FCHO2: variants seen among roughly 807,000 people sequenced by gnomAD.
The protein encoded by FCHO2 is FCH and mu domain containing endocytic adaptor 2, also known as F-BAR domain only protein 2.
FCHO2 carries 43 observed loss-of-function variants against 114.1 expected under a neutral mutation model. That is an observed-to-expected ratio of 0.38 (90% confidence interval 0.30 to 0.49). The LOEUF is 0.49. Ranked by LOEUF, FCHO2 falls within the 20% of genes least tolerant of loss-of-function variation. FCHO2 has a pLI of 0.97. For missense variants in FCHO2, 807 were observed against 950.4 expected (o/e 0.85, Z 1.98); for synonymous variants, 293 against 315.2 (o/e 0.93, Z 0.75).
At chr5:72,965,312 T>C (rs934720663) in intron 1 of FCHO2, among the ~76,000 whole-genome samples, 7 of 152,212 alleles carry the variant, frequency 4.6e-5, no homozygotes, top group African/African-American at 1.7e-4. Flanking sequence ...ATGTTTACAC[T>C]ATATTATTTA....
chr5:73,017,349 C>T lies in FCHO2; in HGVS notation c.796+41C>T, dbSNP rs769706330. ...CTGCAAGGAAACATTTTAAATTTTC[C>T]CATATAGTAACTAACATATTTGCCT... is the stretch of plus-strand genomic sequence containing the variant. On this transcript the variant is annotated intron_variant, in intron 8 of 25. Transcript: ENST00000430046. The T allele has an allele frequency of 4.6e-6, 6 of 1,309,484 alleles. No homozygotes were observed. In the South Asian group the frequency reaches 5.7e-5, roughly 12 times the overall value. The allele number at this position is 1,309,484 out of a possible 1,614,324, so 81.1% of individuals were successfully genotyped here. A position where few individuals can be genotyped will look rare whatever the true frequency, so the allele number is the denominator to read the frequency against.
chr5:73,063,593 CAG>C (rs1176009505), intron 17 of FCHO2, among the ~76,000 whole-genome samples: 1 of 151,882 alleles, frequency 6.6e-6, no homozygotes, highest in Admixed American at 6.6e-5. Context: ...GATAATGAAA[CAG>C]GAATAAAATT....
At chr5:72,999,264 T>C (rs973469550) in intron 5 of FCHO2, among the ~76,000 whole-genome samples, 4 of 151,970 alleles carry the variant, frequency 2.6e-5, no homozygotes, top group African/African-American at 4.8e-5. Flanking sequence ...TTAACAAGAA[T>C]GTAGATTTTT....
chr5:72,961,601 T>TG lies in FCHO2; in HGVS notation c.33+5472_33+5473insG, dbSNP rs200271468. Among the ~76,000 whole-genome samples, 1,160 of 149,372 alleles carry TG rather than the reference T, an allele frequency of 7.8e-3. 12 individuals are homozygous for TG. Among genetic ancestry groups the TG allele is most frequent in the African/African-American group, 0.027 (1,112 of 41,094 alleles). ...CAATCACCATTACCAATTTCTTTCT[T>TG]TTTTTTTTTTGAGACGGAGTTTCGC... On this transcript the variant is annotated intron_variant, in intron 1 of 25. Coordinates refer to ENST00000430046, the MANE Select transcript of FCHO2 (RefSeq NM_138782.3).
At chr5:73,036,889 T>TAGGAA in intron 9 of FCHO2, among the ~76,000 whole-genome samples, 2 of 152,256 alleles carry the variant, frequency 1.3e-5, no homozygotes, top group East Asian at 3.9e-4. Flanking sequence ...AAGGGAGGCT[T>TAGGAA]AGGAAAAGAA....
chr5:72,998,540 T>G lies in FCHO2; in HGVS notation c.495+7676T>G, dbSNP rs1580074044. The stretch of plus-strand genomic sequence containing the variant: ...GGAGCAGTTTACTCTTGGTAGATAC[T>G]ATAACATTCATGCCCAACAGTGAAT... On this transcript the variant is annotated intron_variant, in intron 5 of 25. Transcript: ENST00000430046. Among the ~76,000 whole-genome samples, 3 of 152,086 alleles carry G rather than the reference T, an allele frequency of 2.0e-5. No individual in the cohort carries two copies. The East Asian group carries it at 5.8e-4, about 29-fold the overall frequency.
At chr5:73,035,769 T>G (rs1322042376) in intron 9 of FCHO2, among the ~76,000 whole-genome samples, 2 of 152,040 alleles carry the variant, frequency 1.3e-5, no homozygotes, top group African/African-American at 2.4e-5. Flanking sequence ...TCCAAAGTGC[T>G]AGGATTACAG....
intron 22 of FCHO2, among the ~76,000 whole-genome samples, chr5:73,078,785 A>T (rs1230514307): frequency 6.6e-6 from 1 of 152,232 alleles, no homozygotes; most frequent in Non-Finnish European, 1.5e-5. Flanking sequence ...CAATTGAAGA[A>T]CTATTTGACA....
chr5:73,077,445 A>G lies in FCHO2; in HGVS notation c.1799A>G (p.Asn600Ser). The change falls in exon 21 of 26, where the codon AAT becomes AGT. Residue 600 changes from asparagine to serine, a missense_variant. Physicochemically the swap from Asn to Ser is conservative, Grantham distance 46. Coordinates refer to ENST00000430046, the MANE Select transcript of FCHO2 (RefSeq NM_138782.3). ...TPAVLCFRVK[N>S]ISRLEQILPN... ...GCTGTGTTGTGCTTCAGGGTGAAAA[A>G]TATCAGCAGACTAGAGCAGATTCTT... 1 of 1,603,040 alleles carries G rather than the reference A, an allele frequency of 6.2e-7. No individual in the cohort carries two copies. Among genetic ancestry groups the G allele is most frequent in the Non-Finnish European group, 8.5e-7 (1 of 1,174,456 alleles).
At chr5:72,966,568 G>A (rs569402454) in intron 1 of FCHO2, among the ~76,000 whole-genome samples, 3 of 152,290 alleles carry the variant, frequency 2.0e-5, no homozygotes, top group South Asian at 2.1e-4. Flanking sequence ...TATTCAAAAT[G>A]CTAAGGATAT....
At chr5:73,050,282 T>C (rs966123068) in intron 11 of FCHO2, among the ~76,000 whole-genome samples, 1 of 150,278 alleles carries the variant, frequency 6.7e-6, no homozygotes, top group Non-Finnish European at 1.5e-5. Context: ...TCCCTCTCTG[T>C]TTAGCTTTCT....
intron 5 of FCHO2, chr5:72,996,825 TC>T: frequency 1.2e-6 from 1 of 823,512 alleles, no homozygotes; most frequent in Non-Finnish European, 1.9e-6. Flanking sequence ...GGGCTGCCGT[TC>T]CCCCTCCCGG....
chr5:73,032,821 C>T lies in FCHO2; in HGVS notation c.797-1836C>T, dbSNP rs867553551. Among the ~76,000 whole-genome samples the T allele has an allele frequency of 5.1e-4, 77 of 152,142 alleles. 1 individual carries two copies. The highest frequency in any genetic ancestry group is 1.8e-3 in the African/African-American group (75 of 41,504). ...AGGAGAATTTTTGACTAACCACATGCCTGATTGCCTTTTTTTGGTAAACCC... is the reference window on the plus strand; with the variant it reads ...AGGAGAATTTTTGACTAACCACATGTCTGATTGCCTTTTTTTGGTAAACCC... On this transcript the variant is annotated intron_variant, in intron 8 of 25. Coordinates refer to ENST00000430046, the MANE Select transcript of FCHO2 (RefSeq NM_138782.3).
chr5:73,062,822 T>C (rs1387480289), intron 17 of FCHO2, among the ~76,000 whole-genome samples: 1 of 152,044 alleles, frequency 6.6e-6, no homozygotes, highest in Non-Finnish European at 1.5e-5. Flanking sequence ...CCATTGATGA[T>C]TAAAGGCCTT....
At chr5:72,974,658 G>A (rs1365388797) in intron 2 of FCHO2, among the ~76,000 whole-genome samples, 2 of 152,002 alleles carry the variant, frequency 1.3e-5, no homozygotes, top group Non-Finnish European at 2.9e-5. Context: ...TCTTTATCGA[G>A]TTTGCCAGTC....
intron 2 of FCHO2, among the ~76,000 whole-genome samples, chr5:72,978,050 C>T (rs1209521508): frequency 6.6e-6 from 1 of 152,082 alleles, no homozygotes; most frequent in Non-Finnish European, 1.5e-5. Flanking sequence ...AGTGATGCCT[C>T]CAGCTTTGTT....
chr5:72,970,686 CT>C (rs1019295510), intron 2 of FCHO2, among the ~76,000 whole-genome samples: 8 of 150,432 alleles, frequency 5.3e-5, no homozygotes, highest in Admixed American at 2.0e-4. Context: ...CTTTCTTTTT[CT>C]TTTTTTTTAT....
chr5:72,975,965 T>G (rs1752846181), intron 2 of FCHO2, among the ~76,000 whole-genome samples: 1 of 152,228 alleles, frequency 6.6e-6, no homozygotes, highest in African/African-American at 2.4e-5. Context: ...TGAACATAAG[T>G]TTTAATTTAA....
chr5:73,039,783 C>G (rs373797855), intron 10 of FCHO2, among the ~76,000 whole-genome samples: 7 of 151,860 alleles, frequency 4.6e-5, no homozygotes, highest in African/African-American at 1.7e-4. Flanking sequence ...CAAAAATTAG[C>G]CAGGTGTGGT....
Sources: gnomAD v4.1 joint callset for allele counts (sites outside exome capture counted in the v4.1 genomes callset) on GRCh38, gnomAD v4.1.1 for gene constraint, MANE v1.5 for transcripts, NCBI Gene and HGNC (gene_info 2026-07-23, HGNC 2026-07-21) for gene names.